The following PRUNE2 variants were observed in gnomAD, a reference collection of about 807,000 sequenced individuals.
The protein encoded by PRUNE2 is prune homolog 2 with BCH domain, also known as protein prune homolog 2.
Under a neutral mutation model 252.0 loss-of-function variants are expected in PRUNE2, and 164 were observed. That is an observed-to-expected ratio of 0.65 (90% CI 0.57 to 0.74). PRUNE2 has a LOEUF of 0.74. Ranked by LOEUF, PRUNE2 falls within the 30% of genes least tolerant of loss-of-function variation. The pLI is 0.00. For synonymous variants in PRUNE2, 1,292 were observed against 1,350.2 expected (o/e 0.96, Z 0.94); for missense variants, 3,495 against 3,711.0 (o/e 0.94, Z 1.51).
At chr9:76,828,407 G>A (rs2058469260) in intron 4 of PRUNE2, among the ~76,000 whole-genome samples, 1 of 152,206 alleles carries the variant, frequency 6.6e-6, no homozygotes, top group African/African-American at 2.4e-5. Context: ...GGCCTTACAA[G>A]CCGCCTTAAA....
chr9:76,841,889 T>C (rs2059412713), intron 4 of PRUNE2, among the ~76,000 whole-genome samples: 1 of 152,160 alleles, frequency 6.6e-6, no homozygotes, highest in African/African-American at 2.4e-5. Context: ...GATTTAAACG[T>C]TCCTGCCTGC....
At chr9:76,744,723 TA>T (rs2049952199) in intron 6 of PRUNE2, among the ~76,000 whole-genome samples, 1 of 152,172 alleles carries the variant, frequency 6.6e-6, no homozygotes, top group Non-Finnish European at 1.5e-5. Flanking sequence ...CCTGTTTGTT[TA>T]ATCGTCCTTG....
chr9:76,754,849 C>T (rs2050963557), intron 6 of PRUNE2, among the ~76,000 whole-genome samples: 1 of 151,260 alleles, frequency 6.6e-6, no homozygotes, highest in Admixed American at 6.6e-5. Flanking sequence ...TGCTGTAGTC[C>T]CAGCTACTTG....
chr9:76,852,537 G>C (rs1189796824), intron 2 of PRUNE2, among the ~76,000 whole-genome samples: 1 of 152,230 alleles, frequency 6.6e-6, no homozygotes, highest in East Asian at 1.9e-4. Context: ...GGATTTAAAT[G>C]GGGTCACACG....
At chr9:76,788,092 C>T (rs962607877) in intron 6 of PRUNE2, among the ~76,000 whole-genome samples, 1 of 152,188 alleles carries the variant, frequency 6.6e-6, no homozygotes, top group Non-Finnish European at 1.5e-5. Flanking sequence ...GTTCTTTGTG[C>T]CCTCACCTGG....
intron 2 of PRUNE2, 69 bp downstream of exon 2, chr9:76,854,035 G>T: frequency 1.3e-6 from 1 of 773,552 alleles, no homozygotes; most frequent in Non-Finnish European, 2.1e-6. Context: ...TTTGTTTAGA[G>T]AAAATGTTTA....
chr9:76,810,413 G>A (rs2057280061), intron 6 of PRUNE2, among the ~76,000 whole-genome samples: 1 of 152,140 alleles, frequency 6.6e-6, no homozygotes, highest in Non-Finnish European at 1.5e-5. Context: ...AATTATTCAA[G>A]GTATTGACTA....
chr9:76,817,185 T>G (rs2057746539), intron 6 of PRUNE2, among the ~76,000 whole-genome samples: 2 of 152,190 alleles, frequency 1.3e-5, no homozygotes, highest in African/African-American at 4.8e-5. Context: ...CAATGACTGA[T>G]AGCTGATGAC....
intron 1 of PRUNE2, among the ~76,000 whole-genome samples, chr9:76,855,034 C>T (rs1215903376): frequency 1.4e-5 from 2 of 139,338 alleles, no homozygotes; most frequent in South Asian, 2.2e-4. Flanking sequence ...CCACTGCACT[C>T]CAGCCTGGCC....
At chr9:76,775,140 C>T (rs746857732) in intron 6 of PRUNE2, among the ~76,000 whole-genome samples, 2 of 152,016 alleles carry the variant, frequency 1.3e-5, no homozygotes, top group African/African-American at 2.4e-5. Context: ...TTTATTTGGT[C>T]GGGGGGAAAG....
intron 2 of PRUNE2, among the ~76,000 whole-genome samples, chr9:76,852,100 T>C (rs6560554): frequency 0.099 from 15,131 of 152,226 alleles, 1,123 homozygotes; most frequent in African/African-American, 0.21. Context: ...GTTTCCAGTG[T>C]ATAAACCAGT....
intron 1 of PRUNE2, among the ~76,000 whole-genome samples, chr9:76,872,098 G>T (rs1429462459): frequency 1.3e-5 from 2 of 151,824 alleles, no homozygotes; most frequent in East Asian, 3.9e-4. Flanking sequence ...AGAGTCCTTG[G>T]CACCTGGAAG....
At chr9:76,687,399 G>A (rs972265035) in intron 9 of PRUNE2, among the ~76,000 whole-genome samples, 1 of 152,204 alleles carries the variant, frequency 6.6e-6, no homozygotes, top group Non-Finnish European at 1.5e-5. Context: ...GTGGGCAATG[G>A]TGGCTTTATG....
intron 11 of PRUNE2, among the ~76,000 whole-genome samples, chr9:76,646,726 C>T (rs1805975810): frequency 6.6e-6 from 1 of 152,148 alleles, no homozygotes; most frequent in South Asian, 2.1e-4. Context: ...TATTCTGATG[C>T]TCTTGTACAC....
At chr9:76,851,902 A>T (rs1241918303) in intron 2 of PRUNE2, among the ~76,000 whole-genome samples, 1 of 152,202 alleles carries the variant, frequency 6.6e-6, no homozygotes, top group Non-Finnish European at 1.5e-5. Flanking sequence ...AATTACTGTG[A>T]ATGTACAGCA....
chr9:76,745,906 A>T (rs764087287), intron 6 of PRUNE2, among the ~76,000 whole-genome samples: 13 of 152,192 alleles, frequency 8.5e-5, no homozygotes, highest in Non-Finnish European at 1.8e-4. Flanking sequence ...CACTAACCAT[A>T]GTATTTCACC....
chr9:76,637,385 C>A, intron 14 of PRUNE2, 33 bp downstream of exon 14: 2 of 1,609,786 alleles, frequency 1.2e-6, no homozygotes, highest in South Asian at 2.2e-5. Context: ...TTACCAAAAT[C>A]AAAATAGTGA....
At chr9:76,677,711 G>A (rs980416211) in intron 9 of PRUNE2, among the ~76,000 whole-genome samples, 3 of 152,034 alleles carry the variant, frequency 2.0e-5, no homozygotes, top group Non-Finnish European at 2.9e-5. Context: ...TTCCCACACA[G>A]TCGCTGCCTG....
At chr9:76,863,534 A>AT (rs756941901) in intron 1 of PRUNE2, among the ~76,000 whole-genome samples, 8 of 152,208 alleles carry the variant, frequency 5.3e-5, no homozygotes, top group Non-Finnish European at 1.0e-4. Context: ...ATAAAAAACT[A>AT]TTTTGTTTTC....
Sources: gnomAD v4.1 joint callset for allele counts (sites outside exome capture counted in the v4.1 genomes callset) on GRCh38, gnomAD v4.1.1 for gene constraint, MANE v1.5 for transcripts, NCBI Gene and HGNC (gene_info 2026-07-23, HGNC 2026-07-21) for gene names.